MYT1L: variants seen among roughly 807,000 people sequenced by gnomAD.
MYT1L encodes the protein myelin transcription factor 1-like protein.
In MYT1L, 12 loss-of-function variants were observed where a neutral mutation model predicts 126.7. The ratio of observed to expected loss-of-function variants is 0.09; its 90% confidence interval spans 0.06 to 0.15. The LOEUF is 0.15. MYT1L is among the 10% of genes least tolerant of loss of function. The probability of loss-of-function intolerance (pLI) is 1.00; values close to 1 mark genes in which losing one functional copy is unlikely to be tolerated. For missense variants in MYT1L, 979 were observed against 1,585.2 expected, an observed-to-expected ratio of 0.62 and a Z score of 6.49; for synonymous variants, 541 against 604.2, an observed-to-expected ratio of 0.90 and a Z score of 1.53.
intron 1 of MYT1L, among the ~76,000 whole-genome samples, chr2:2,295,493 T>A (rs952815542): frequency 6.7e-6 from 1 of 149,420 alleles, no homozygotes; most frequent in Non-Finnish European, 1.5e-5. Flanking sequence ...CCAAAGGGAA[T>A]GTGGAGAGTG....
At chr2:2,329,966 A>G (rs997618737) in intron 1 of MYT1L, among the ~76,000 whole-genome samples, 4 of 151,754 alleles carry the variant, frequency 2.6e-5, no homozygotes, top group African/African-American at 9.7e-5. Context: ...TAGGAATGCA[A>G]TGCTGTTTTT....
intron 4 of MYT1L, among the ~76,000 whole-genome samples, chr2:2,012,054 A>T (rs1444911100): frequency 6.6e-6 from 1 of 152,238 alleles, no homozygotes; most frequent in Non-Finnish European, 1.5e-5. Flanking sequence ...GAGTCGAGTC[A>T]CTATGTGACC....
intron 8 of MYT1L, among the ~76,000 whole-genome samples, chr2:1,971,742 C>T (rs1370456725): frequency 2.6e-5 from 4 of 152,074 alleles, no homozygotes; most frequent in Non-Finnish European, 4.4e-5. Context: ...AAAAACTAAA[C>T]AAAACAAAAG....
chr2:1,975,123 C>T (rs530291419), intron 8 of MYT1L, among the ~76,000 whole-genome samples: 45 of 152,080 alleles, frequency 3.0e-4, no homozygotes, highest in Non-Finnish European at 5.7e-4. Context: ...GGTTGATCCT[C>T]CTCTATTCTC....
chr2:2,298,201 G>A (rs1443352637), intron 1 of MYT1L, among the ~76,000 whole-genome samples: 2 of 152,194 alleles, frequency 1.3e-5, no homozygotes, highest in Non-Finnish European at 2.9e-5. Context: ...CATTTCCCAG[G>A]AGCCTCAGTT....
Position 1,869,189 on chromosome 2 carries a change from C to T in MYT1L, c.2711+17350G>A, listed in dbSNP as rs77577415. ...CGTGCCACTGTACCTCCACCAGAGA[C>T]AAAGCACACAGTCCCGGACTTATCC... On this transcript the variant is annotated intron_variant, in intron 18 of 24. Coordinates refer to ENST00000647738, the MANE Select transcript of MYT1L (RefSeq NM_001303052.2). 1.5e-3 allele frequency among the ~76,000 whole-genome samples: 221 copies of T among 146,180 alleles called. 2 individuals are homozygous for T. The highest frequency in any genetic ancestry group is 0.014 in the East Asian group (75 of 5,180).
chr2:2,086,835 T>C (rs1258975936), intron 3 of MYT1L, among the ~76,000 whole-genome samples: 1 of 152,226 alleles, frequency 6.6e-6, no homozygotes, highest in South Asian at 2.1e-4. Flanking sequence ...CTGAAGTTCT[T>C]ATTCAGCTGG....
At chr2:2,212,211 C>T (rs1346819459) in intron 2 of MYT1L, among the ~76,000 whole-genome samples, 1 of 137,748 alleles carries the variant, frequency 7.3e-6, no homozygotes, top group Admixed American at 7.0e-5. Flanking sequence ...CCTTTGAATC[C>T]CCTGAAATAT....
chr2:1,803,331 C>T (rs780582221), intron 22 of MYT1L, among the ~76,000 whole-genome samples: 2 of 152,174 alleles, frequency 1.3e-5, no homozygotes, highest in African/African-American at 2.4e-5. Flanking sequence ...GAACACTGGA[C>T]GTGGTGAAGC....
At chr2:1,989,248 G>C (rs1249506160) in intron 5 of MYT1L, among the ~76,000 whole-genome samples, 1 of 152,058 alleles carries the variant, frequency 6.6e-6, no homozygotes, top group Non-Finnish European at 1.5e-5. Flanking sequence ...ATTTTTAACA[G>C]GATTTGGACT....
chr2:1,924,594 A>G (rs1326901935), intron 9 of MYT1L, among the ~76,000 whole-genome samples: 3 of 152,244 alleles, frequency 2.0e-5, no homozygotes, highest in Non-Finnish European at 4.4e-5. Context: ...CAATATGTCA[A>G]TAACAGAAAA....
chr2:1,992,901 G>A (rs2061550568), intron 5 of MYT1L, among the ~76,000 whole-genome samples: 1 of 152,082 alleles, frequency 6.6e-6, no homozygotes, highest in Non-Finnish European at 1.5e-5. Context: ...CTGATATTTT[G>A]CAGACCCTGC....
chr2:1,931,419 A>ACCC, intron 9 of MYT1L, among the ~76,000 whole-genome samples: 1 of 149,354 alleles, frequency 6.7e-6, no homozygotes, highest in African/African-American at 2.5e-5. Context: ...TACTTCCTCC[A>ACCC]TCCTCAGCGA....
At chr2:2,182,801 G>A (rs1363965188) in intron 2 of MYT1L, among the ~76,000 whole-genome samples, 9 of 152,154 alleles carry the variant, frequency 5.9e-5, no homozygotes, top group South Asian at 2.1e-4. Flanking sequence ...CAGTCCCAGC[G>A]CGGCCCACAA....
At chr2:2,024,694 T>C (rs1388458316) in intron 4 of MYT1L, among the ~76,000 whole-genome samples, 2 of 152,222 alleles carry the variant, frequency 1.3e-5, no homozygotes, top group African/African-American at 4.8e-5. Context: ...TCTGCCTACT[T>C]TCCCCACGCA....
Position 2,220,917 on chromosome 2 carries a change from G to T in MYT1L, c.-420-47929C>A, listed in dbSNP as rs530221050. Among the ~76,000 whole-genome samples the T allele has an allele frequency of 2.4e-4, 37 of 152,150 alleles. 2 individuals carry two copies. In the South Asian group the frequency reaches 7.7e-3, roughly 32 times the overall value. ...TGTACGTTATTGATGGTGATGATTT[G>T]AACAATTATGGTGATGGTTTAAAAG... On this transcript the variant is annotated intron_variant, in intron 2 of 24. Coordinates refer to ENST00000647738, the MANE Select transcript of MYT1L (RefSeq NM_001303052.2).
In MYT1L at chr2:1,910,732, T is replaced by C. The variant is rs994585713; in HGVS notation, c.1710-385A>G. ...GAGTTTTGAAGCCCCAGAATGGCAA[T>C]GAATTGACTGTTACCAGAAGATGGA... is the stretch of plus-strand genomic sequence containing the variant. On this transcript the variant is annotated intron_variant, in intron 12 of 24. Transcript: ENST00000647738. The surrounding 1 kb of genome is among the most constrained non-coding windows in gnomAD (Gnocchi z 4.8). Among the ~76,000 whole-genome samples, 4 of 152,216 alleles carry C rather than the reference T, an allele frequency of 2.6e-5. No homozygotes were observed. The East Asian group carries it at 7.8e-4, about 30-fold the overall frequency.
intron 2 of MYT1L, among the ~76,000 whole-genome samples, chr2:2,222,979 T>C (rs1209074849): frequency 2.6e-5 from 4 of 152,220 alleles, no homozygotes; most frequent in Admixed American, 6.5e-5. Context: ...ATTCTTACTA[T>C]CTTCTGAATG....
At chr2:2,121,845 C>T (rs2081062044) in intron 3 of MYT1L, among the ~76,000 whole-genome samples, 1 of 152,148 alleles carries the variant, frequency 6.6e-6, no homozygotes, top group Non-Finnish European at 1.5e-5. Context: ...GCTACTGGAG[C>T]CCAGGAGGGG....
Sources: gnomAD v4.1 joint callset for allele counts (sites outside exome capture counted in the v4.1 genomes callset) on GRCh38, gnomAD v4.1.1 for gene constraint, Gnocchi (gnomAD v3.1) non-coding constraint, MANE v1.5 for transcripts, NCBI Gene and HGNC (gene_info 2026-07-23, HGNC 2026-07-21) for gene names.